The following C18orf63 variants were observed in gnomAD, a reference collection of about 807,000 sequenced individuals.
C18orf63 encodes the protein chromosome 18 open reading frame 63, also known as uncharacterized protein C18orf63.
Under a neutral mutation model 75.3 loss-of-function variants are expected in C18orf63, and 50 were observed. The observed-to-expected ratio is 0.66, with a 90% CI of 0.53 to 0.84. The LOEUF (loss-of-function observed/expected upper bound fraction) is 0.84. C18orf63 is among the 40% of genes least tolerant of loss of function. The pLI, the probability that C18orf63 is intolerant of heterozygous loss-of-function variation, is 0.00. For missense variants in C18orf63, 732 were observed against 800.2 expected, an observed-to-expected ratio of 0.91 and a Z score of 1.03; for synonymous variants, 232 against 267.6, an observed-to-expected ratio of 0.87 and a Z score of 1.30.
intron 3 of C18orf63, 22 bp downstream of exon 3, chr18:74,320,613 G>T (rs1365153767): frequency 7.1e-7 from 1 of 1,406,458 alleles, no homozygotes; most frequent in Non-Finnish European, 9.7e-7. Context: ...AATATTTTGT[G>T]AAATGTTATT....
rs183129362 is a variant in C18orf63, at chr18:74,353,670, T to G, written c.1403T>G (p.Leu468Trp). The G allele has an allele frequency of 2.0e-6, 3 of 1,536,030 alleles. No individual in the cohort carries two copies. The highest frequency in any genetic ancestry group is 2.6e-6 in the Non-Finnish European group (3 of 1,146,904). Residue 468 changes from leucine to tryptophan, a missense_variant, in exon 12 of 14, where the codon TTG becomes TGG. By Grantham distance (61) the Leu-to-Trp change is moderately conservative (BLOSUM62 -2). Coordinates refer to ENST00000579455, the MANE Select transcript of C18orf63 (RefSeq NM_001174123.2). ...CAGCATGATGTGACACAATCTAAATTGTTTTCACTCAAAACTAGTATGATC... is the reference window on the plus strand; with the variant it reads ...CAGCATGATGTGACACAATCTAAATGGTTTTCACTCAAAACTAGTATGATC... ...RKQHDVTQSKLFSLKTSMIQH... is the reference protein window; with the variant it reads ...RKQHDVTQSKWFSLKTSMIQH...
Position 74,343,638 on chromosome 18 carries a change from T to G in C18orf63, c.914T>G (p.Phe305Cys). The change falls in exon 11 of 14, where the codon TTT becomes TGT. Residue 305 changes from phenylalanine (F) to cysteine (C), a missense_variant. Physicochemically the swap from Phe to Cys is radical, Grantham distance 205. Around this residue, in one of 3 missense-constraint regions of C18orf63, gnomAD observed 495 missense variants for 508.7 expected, o/e 0.97. Coordinates refer to ENST00000579455, the MANE Select transcript of C18orf63 (RefSeq NM_001174123.2). ...LKSKLPHICG[F>C]PIKMTSKPCY... ...TCTAAACTGCCCCATATATGTGGATTTCCCATAAAGATGACAAGTAAACCA... is the reference window on the plus strand; with the variant it reads ...TCTAAACTGCCCCATATATGTGGATGTCCCATAAAGATGACAAGTAAACCA... The G allele has an allele frequency of 6.5e-7, 1 of 1,534,602 alleles. No homozygotes were observed. The highest frequency in any genetic ancestry group is 1.7e-4 in the Middle Eastern group (1 of 5,978).
chr18:74,346,711 T>C (rs1430326612), intron 11 of C18orf63, among the ~76,000 whole-genome samples: 1 of 152,184 alleles, frequency 6.6e-6, no homozygotes, highest in East Asian at 1.9e-4. Flanking sequence ...AAATAGTTAA[T>C]CAGAACAATG....
intron 11 of C18orf63, among the ~76,000 whole-genome samples, chr18:74,352,242 G>T (rs965452371): frequency 6.6e-6 from 1 of 152,186 alleles, no homozygotes; most frequent in South Asian, 2.1e-4. Flanking sequence ...GGGGCTAGAA[G>T]GAAGAGGAAA....
At chr18:74,340,993 G>C (rs564204157) in intron 8 of C18orf63, among the ~76,000 whole-genome samples, 2 of 152,112 alleles carry the variant, frequency 1.3e-5, no homozygotes, top group Admixed American at 6.5e-5. Context: ...GGCCGGGCGC[G>C]GTGGCTCACG....
At chr18:74,333,017 A>C (rs370091649) in intron 7 of C18orf63, among the ~76,000 whole-genome samples, 275 of 152,268 alleles carry the variant, frequency 1.8e-3, no homozygotes, top group African/African-American at 6.4e-3. Flanking sequence ...TACTTGGGTG[A>C]GATTATAATT....
chr18:74,322,170 G>T (rs1265329258), intron 3 of C18orf63, among the ~76,000 whole-genome samples: 1 of 152,164 alleles, frequency 6.6e-6, no homozygotes, highest in African/African-American at 2.4e-5. Flanking sequence ...CTAAATTGCT[G>T]TCTGAAAAGC....
Position 74,354,166 on chromosome 18 carries a change from C to G in C18orf63, c.1899C>G (p.Ala633=). The G allele has an allele frequency of 1.3e-6, 2 of 1,536,152 alleles. No homozygotes were observed. The highest frequency in any genetic ancestry group is 2.7e-5 in the African/African-American group (2 of 73,100). ...SDHRLIVSKI[A]HRSKRKLCPE... Reference sequence around the variant, plus strand: ...ACAGGTTGATAGTAAGCAAAATAGCCCACAGGTCTAAAAGAAAATTATGTC... The same window carrying G: ...ACAGGTTGATAGTAAGCAAAATAGCGCACAGGTCTAAAAGAAAATTATGTC... Residue 633 remains alanine, a synonymous_variant, in exon 12 of 14, where the codon GCC becomes GCG. Transcript: ENST00000579455.
chr18:74,335,071 A>G (rs952490614), intron 7 of C18orf63, among the ~76,000 whole-genome samples: 11 of 152,064 alleles, frequency 7.2e-5, no homozygotes, highest in Non-Finnish European at 1.6e-4. Flanking sequence ...TTTATCACAT[A>G]TTATCTATGC....
At chr18:74,321,265 G>A (rs747163277) in intron 3 of C18orf63, among the ~76,000 whole-genome samples, 29 of 151,750 alleles carry the variant, frequency 1.9e-4, no homozygotes, top group Non-Finnish European at 3.8e-4. Flanking sequence ...TTGGTTATAT[G>A]TCCACCTCGT....
chr18:74,351,590 A>C (rs1232744269), intron 11 of C18orf63, among the ~76,000 whole-genome samples: 2 of 152,228 alleles, frequency 1.3e-5, no homozygotes, highest in African/African-American at 4.8e-5. Flanking sequence ...CAGAGTATCT[A>C]ACCACACAGC....
chr18:74,319,854 A>G (rs1005549058), intron 2 of C18orf63, among the ~76,000 whole-genome samples: 6 of 152,216 alleles, frequency 3.9e-5, no homozygotes, highest in Non-Finnish European at 7.3e-5. Context: ...GTTCTAAAAG[A>G]TGAATTTAGG....
At chr18:74,339,992 C>G (rs1674419727) in intron 8 of C18orf63, among the ~76,000 whole-genome samples, 1 of 151,980 alleles carries the variant, frequency 6.6e-6, no homozygotes, top group African/African-American at 2.4e-5. Flanking sequence ...ACAACAAAAG[C>G]AAAAATAGAC....
intron 8 of C18orf63, among the ~76,000 whole-genome samples, chr18:74,340,143 T>A (rs765357796): frequency 7.6e-6 from 1 of 132,130 alleles, no homozygotes; most frequent in African/African-American, 2.6e-5. Flanking sequence ...TATAAGGAAC[T>A]CAAATAACTC....
At chr18:74,337,687 C>T (rs1038556700) in intron 7 of C18orf63, among the ~76,000 whole-genome samples, 1 of 152,094 alleles carries the variant, frequency 6.6e-6, no homozygotes, top group Non-Finnish European at 1.5e-5. Context: ...AAATATGTGT[C>T]CTTATTCATT....
chr18:74,347,868 T>A (rs915444788), intron 11 of C18orf63, among the ~76,000 whole-genome samples: 7 of 152,314 alleles, frequency 4.6e-5, no homozygotes, highest in African/African-American at 1.7e-4. Flanking sequence ...GCTTCTCATC[T>A]AGTTTCCCCT....
At chr18:74,316,250 G>C (rs1984021823) in intron 1 of C18orf63, 141 bp downstream of exon 1, 1 of 152,130 alleles carries the variant, frequency 6.6e-6, no homozygotes, top group African/African-American at 2.4e-5. Flanking sequence ...CATCTGCAAA[G>C]ACCCATGAGT....
intron 10 of C18orf63, among the ~76,000 whole-genome samples, chr18:74,342,746 C>T (rs935873871): frequency 3.3e-5 from 5 of 152,028 alleles, no homozygotes; most frequent in Admixed American, 2.0e-4. Flanking sequence ...GGCAAATTTT[C>T]GATGATTTGA....
At position 74,329,043 on chromosome 18, in the gene C18orf63, A is replaced by G. The variant is rs752914106; in HGVS notation, c.424+7A>G. On this transcript the variant is annotated splice_region_variant and intron_variant, in intron 6 of 13. Coordinates refer to ENST00000579455, the MANE Select transcript of C18orf63 (RefSeq NM_001174123.2). ...GGAAAACAAAGTGCTGTTGGTAAGT[A>G]AAAATGCATAAGTCAATAGATAAAA... is the stretch of plus-strand genomic sequence containing the variant. The G allele has an allele frequency of 7.5e-6, 11 of 1,470,666 alleles. No homozygotes were observed. The highest frequency in any genetic ancestry group is 1.0e-5 in the Non-Finnish European group (11 of 1,087,582). 91.1% of individuals were successfully genotyped at this position (1,470,666 alleles called of 1,614,324 possible).
Sources: allele counts gnomAD v4.1 joint callset (sites outside exome capture counted in the v4.1 genomes callset), GRCh38; gene constraint gnomAD v4.1.1; regional missense constraint gnomAD v4.1.1; transcripts MANE v1.5; gene names NCBI Gene and HGNC (gene_info 2026-07-23, HGNC 2026-07-21).